Variants in SULF1 observed in about 807,000 individuals in gnomAD.
The protein encoded by SULF1 is sulfatase 1, also known as extracellular sulfatase Sulf-1.
SULF1 carries 46 observed loss-of-function variants against 110.5 expected under a neutral mutation model. The ratio of observed to expected loss-of-function variants is 0.42; its 90% CI spans 0.33 to 0.53. SULF1 has a LOEUF of 0.53. SULF1 is among the 20% of genes least tolerant of loss of function. The pLI, the probability that SULF1 is intolerant of heterozygous loss-of-function variation, is 0.12. For synonymous variants in SULF1, 371 were observed against 387.1 expected (o/e 0.96, Z 0.49); for missense variants, 941 against 1,094.2 (o/e 0.86, Z 1.98).
At chr8:69,615,859 A>T (rs1809063027) in intron 13 of SULF1, among the ~76,000 whole-genome samples, 1 of 152,140 alleles carries the variant, frequency 6.6e-6, no homozygotes. Flanking sequence ...GTTCTACAGG[A>T]ATCTACTTGT....
Position 69,623,990 on chromosome 8 carries a change from T to A in SULF1, c.1643T>A (p.Val548Asp), listed in dbSNP as rs865992082. ...VHTRQTRSLS[V>D]EFEGEIYDIN... ...ACTCGGCAGACACGTTCCTTGTCCG[T>A]CGAATTTGAAGGTGAAATATATGAC... Residue 548 changes from valine (V) to aspartate (D), a missense_variant, in exon 15 of 23, where the codon GTC (valine) becomes GAC (aspartate). Coordinates refer to ENST00000402687, the MANE Select transcript of SULF1 (RefSeq NM_001128205.2). The A allele has an allele frequency of 5.0e-6, 8 of 1,614,138 alleles. No homozygotes were observed. The highest frequency in any genetic ancestry group is 6.8e-6 in the Non-Finnish European group (8 of 1,180,022).
chr8:69,534,870 TAA>T (rs5892201), intron 3 of SULF1, among the ~76,000 whole-genome samples: 15,467 of 149,386 alleles, frequency 0.1, 1,483 homozygotes, highest in East Asian at 0.41. Context: ...AAAGGAAATT[TAA>T]AAAAAAAAAA....
intron 19 of SULF1, among the ~76,000 whole-genome samples, chr8:69,635,897 C>G (rs1810957078): frequency 6.6e-6 from 1 of 151,940 alleles, no homozygotes; most frequent in Non-Finnish European, 1.5e-5. Context: ...AACTCTGTAG[C>G]CAGATCCCAG....
At chr8:69,528,899 A>G (rs1289028003) in intron 3 of SULF1, among the ~76,000 whole-genome samples, 2 of 152,206 alleles carry the variant, frequency 1.3e-5, no homozygotes, top group East Asian at 3.8e-4. Flanking sequence ...TAAAAGACAC[A>G]TGAATTCACG....
At chr8:69,526,122 C>CAGAAG (rs1812644167) in intron 3 of SULF1, among the ~76,000 whole-genome samples, 3 of 152,150 alleles carry the variant, frequency 2.0e-5, no homozygotes, top group African/African-American at 7.2e-5. Context: ...TAACCAAATA[C>CAGAAG]CTGGCTTCTG....
At chr8:69,545,406 T>C (rs954571891) in intron 3 of SULF1, among the ~76,000 whole-genome samples, 2 of 152,186 alleles carry the variant, frequency 1.3e-5, no homozygotes, top group Admixed American at 6.5e-5. Context: ...TGACTACACA[T>C]AGCAAAAACC....
At chr8:69,564,179 C>G in intron 5 of SULF1, 32 bp downstream of exon 5, 1 of 1,607,968 alleles carries the variant, frequency 6.2e-7, no homozygotes, top group Non-Finnish European at 8.5e-7. Flanking sequence ...TTGTTAGTCT[C>G]TTTTGTTCAG....
intron 18 of SULF1, 118 bp from the exon 19 acceptor site, chr8:69,629,386 C>T (rs970739912): frequency 1.9e-6 from 2 of 1,037,738 alleles, no homozygotes; most frequent in South Asian, 1.8e-5. Flanking sequence ...AAATGAAGGT[C>T]GTCCATTATC....
At position 69,629,710 on chromosome 8, in the gene SULF1, G is replaced by A. The variant is rs749982171; in HGVS notation, c.2284+31G>A. 1.2e-5 allele frequency: 19 copies of A among 1,562,288 alleles called. No homozygotes were observed. The East Asian group carries it at 2.0e-4, about 17-fold the overall frequency. On this transcript the variant is annotated intron_variant, in intron 19 of 22. Transcript: ENST00000402687. ...TTGCTTGTTCCAAATGCCACTTCCT[G>A]CCGCCATGCAGAGACAGCGACTCAT...
At chr8:69,552,937 CCTAAA>C (rs1018712776) in intron 3 of SULF1, among the ~76,000 whole-genome samples, 1 of 152,084 alleles carries the variant, frequency 6.6e-6, no homozygotes, top group African/African-American at 2.4e-5. Flanking sequence ...TAAATCTCAC[CCTAAA>C]CTAAACAGGT....
chr8:69,474,499 C>A (rs1809221732), intron 1 of SULF1, among the ~76,000 whole-genome samples: 1 of 152,186 alleles, frequency 6.6e-6, no homozygotes, highest in Admixed American at 6.5e-5. Context: ...CAGCTTTTAA[C>A]TTTCATCTTA....
chr8:69,587,539 G>A (rs570582856), intron 7 of SULF1, among the ~76,000 whole-genome samples: 79 of 152,326 alleles, frequency 5.2e-4, no homozygotes, highest in African/African-American at 1.7e-3. Context: ...AAAGTTAAAA[G>A]TTAGCAGAGA....
chr8:69,545,158 A>G (rs1814166704), intron 3 of SULF1, among the ~76,000 whole-genome samples: 1 of 115,534 alleles, frequency 8.7e-6, no homozygotes, highest in Non-Finnish European at 1.9e-5. Flanking sequence ...GAAACCTTAA[A>G]CTGCCTAAAA....
intron 22 of SULF1, among the ~76,000 whole-genome samples, chr8:69,649,590 A>C (rs893109223): frequency 3.9e-5 from 6 of 152,190 alleles, no homozygotes; most frequent in African/African-American, 1.4e-4. Flanking sequence ...TATCTGGAAC[A>C]GTTCCTCAAC....
At position 69,629,721 on chromosome 8, in the gene SULF1, G is replaced by A. The variant is rs78195831; in HGVS notation, c.2284+42G>A. On this transcript the variant is annotated intron_variant, in intron 19 of 22. Transcript: ENST00000402687. ...AAATGCCACTTCCTGCCGCCATGCA[G>A]AGACAGCGACTCATAACTTAGATCA... The A allele has an allele frequency of 1.1e-3, 1,695 of 1,519,974 alleles. 28 individuals carry two copies. The East Asian group carries it at 0.022, about 20-fold the overall frequency. 94.2% of individuals were successfully genotyped at this position (1,519,974 alleles called of 1,614,324 possible).
chr8:69,640,733 A>C, intron 21 of SULF1, 75 bp from the exon 22 acceptor site: 5 of 1,293,366 alleles, frequency 3.9e-6, no homozygotes, highest in Non-Finnish European at 5.4e-6. Flanking sequence ...GATGTTGTGC[A>C]TGAAAAACTA....
chr8:69,623,196 G>A (rs1219408402), intron 14 of SULF1, among the ~76,000 whole-genome samples: 1 of 135,122 alleles, frequency 7.4e-6, no homozygotes, highest in Non-Finnish European at 1.5e-5. Flanking sequence ...GTTGGCTGAT[G>A]AAAGCATTAA....
At position 69,564,026 on chromosome 8, in the gene SULF1, G is replaced by T; in HGVS notation, c.51G>T (p.Leu17Phe). 2.5e-6 allele frequency: 4 copies of T among 1,614,176 alleles called. No individual in the cohort carries two copies. The highest frequency in any genetic ancestry group is 2.2e-5 in the East Asian group (1 of 44,882). ...TTTTGGCTGTCCTGGGCACAGAATT[G>T]CTGGGAAGCCTCTGTTCGACTGTCA... ...ALVLAVLGTE[L>F]LGSLCSTVRS... Residue 17 changes from leucine to phenylalanine, a missense_variant, in exon 5 of 23, where the codon TTG (leucine) becomes TTT (phenylalanine). Coordinates refer to ENST00000402687, the MANE Select transcript of SULF1 (RefSeq NM_001128205.2).
chr8:69,581,533 A>G (rs1310084155), intron 6 of SULF1, among the ~76,000 whole-genome samples: 2 of 152,216 alleles, frequency 1.3e-5, no homozygotes, highest in Admixed American at 6.5e-5. Context: ...GCTTAATGGT[A>G]TCCAAAACAA....
Sources: allele counts gnomAD v4.1 joint callset (sites outside exome capture counted in the v4.1 genomes callset), GRCh38; gene constraint gnomAD v4.1.1; transcripts MANE v1.5; gene names NCBI Gene and HGNC (gene_info 2026-07-23, HGNC 2026-07-21).